NXPH1: variants seen among roughly 807,000 people sequenced by gnomAD.
NXPH1 encodes neurexophilin-1.
In NXPH1, 5 loss-of-function variants were observed where a neutral mutation model predicts 23.7. That is an observed-to-expected ratio of 0.21 (90% CI 0.11 to 0.44). NXPH1 has a LOEUF of 0.44. Ranked by LOEUF, NXPH1 falls within the 20% of genes least tolerant of loss-of-function variation. NXPH1 has a pLI of 0.99. For synonymous variants in NXPH1, 144 were observed against 122.2 expected, an observed-to-expected ratio of 1.18 and a Z score of -1.18; for missense variants, 324 against 321.6, an observed-to-expected ratio of 1.01 and a Z score of -0.06.
At chr7:8,445,942 G>A (rs1209163787) in intron 2 of NXPH1, among the ~76,000 whole-genome samples, 2 of 152,116 alleles carry the variant, frequency 1.3e-5, no homozygotes, top group East Asian at 1.9e-4. Flanking sequence ...TTAGTCATGC[G>A]CACTCCAACC....
intron 2 of NXPH1, among the ~76,000 whole-genome samples, chr7:8,590,246 A>C (rs1819064210): frequency 6.6e-6 from 1 of 152,120 alleles, no homozygotes; most frequent in South Asian, 2.1e-4. Context: ...CTCTGCATCC[A>C]GAGTTCTCTA....
chr7:8,523,889 C>T (rs1010934417), intron 2 of NXPH1, among the ~76,000 whole-genome samples: 1 of 152,068 alleles, frequency 6.6e-6, no homozygotes, highest in Non-Finnish European at 1.5e-5. Context: ...CCTGCATGCC[C>T]CTATCCAGAA....
At chr7:8,573,943 A>G (rs558330627) in intron 2 of NXPH1, among the ~76,000 whole-genome samples, 2 of 152,092 alleles carry the variant, frequency 1.3e-5, no homozygotes, top group African/African-American at 4.8e-5. Context: ...TGCTAGGTCA[A>G]TTCTATGTCA....
rs1356292078 is a variant in NXPH1, at chr7:8,751,249, A to G, written c.296A>G (p.Glu99Gly). 1.9e-6 allele frequency: 3 copies of G among 1,613,902 alleles called. No homozygotes were observed. Among genetic ancestry groups the G allele is most frequent in the South Asian group, 2.2e-5 (2 of 91,088 alleles). Residue 99 changes from glutamate to glycine, a missense_variant, in exon 3 of 3, where the codon GAG (glutamate) becomes GGG (glycine). Transcript: ENST00000405863. This position sits in a 1 kb window ranked among gnomAD's most constrained non-coding sequence, Gnocchi z 4.5. ...CTGAGGAACTCCACAGACCTTCAAG[A>G]GCCTCGGCCCAGGGCCAAGAGAAGG... ...DWLRNSTDLQ[E>G]PRPRAKRRPI...
intron 2 of NXPH1, among the ~76,000 whole-genome samples, chr7:8,571,172 G>A (rs1818639985): frequency 6.6e-6 from 1 of 151,776 alleles, no homozygotes; most frequent in Non-Finnish European, 1.5e-5. Flanking sequence ...GTGAGCTATA[G>A]CATGTTGAAA....
chr7:8,573,759 T>A (rs1279813422), intron 2 of NXPH1, among the ~76,000 whole-genome samples: 1 of 152,142 alleles, frequency 6.6e-6, no homozygotes, highest in Non-Finnish European at 1.5e-5. Context: ...AACTTTTGGA[T>A]CATGACCAAA....
chr7:8,455,879 C>A (rs539310515), intron 2 of NXPH1, among the ~76,000 whole-genome samples: 1 of 152,284 alleles, frequency 6.6e-6, no homozygotes, highest in African/African-American at 2.4e-5. Flanking sequence ...GCAGGGTTTT[C>A]TTCCCATGTG....
At chr7:8,551,678 T>G (rs1042389060) in intron 2 of NXPH1, among the ~76,000 whole-genome samples, 1 of 151,518 alleles carries the variant, frequency 6.6e-6, no homozygotes, top group Non-Finnish European at 1.5e-5. Context: ...TCTTTTAAAA[T>G]AAGATTTAGG....
intron 2 of NXPH1, among the ~76,000 whole-genome samples, chr7:8,731,531 C>G (rs1283896989): frequency 3.3e-5 from 5 of 152,108 alleles, no homozygotes; most frequent in Admixed American, 2.0e-4. Context: ...TGTGGATGTC[C>G]TTTCTGTTTG....
chr7:8,521,632 G>A (rs962947543), intron 2 of NXPH1, among the ~76,000 whole-genome samples: 1 of 152,186 alleles, frequency 6.6e-6, no homozygotes, highest in Admixed American at 6.5e-5. Context: ...TTATGTGAGT[G>A]AGAAATACAC....
chr7:8,751,360 T>G lies in NXPH1; in HGVS notation c.407T>G (p.Leu136Trp). The G allele has an allele frequency of 6.2e-7, 1 of 1,613,928 alleles. No individual in the cohort carries two copies. The highest frequency in any genetic ancestry group is 8.5e-7 in the Non-Finnish European group (1 of 1,179,856). The part of the protein sequence containing the change: ...SNIKTVKLNL[L>W]ITGKIVDHGN... ...ATCAAAACAGTGAAGCTGAACCTGT[T>G]GATAACTGGGAAAATTGTAGATCAT... The change falls in exon 3 of 3, where the codon TTG (leucine) becomes TGG (tryptophan). Residue 136 changes from leucine (L) to tryptophan (W), a missense_variant. Coordinates refer to ENST00000405863, the MANE Select transcript of NXPH1 (RefSeq NM_152745.3). The surrounding 1 kb of genome is among the most constrained non-coding windows in gnomAD (Gnocchi z 4.5).
intron 2 of NXPH1, among the ~76,000 whole-genome samples, chr7:8,665,996 A>G (rs1820757955): frequency 7.4e-6 from 1 of 135,450 alleles, no homozygotes; most frequent in Admixed American, 8.3e-5. Flanking sequence ...GGGACAATTT[A>G]GCATTTAATT....
chr7:8,501,832 T>A (rs1163819433), intron 2 of NXPH1, among the ~76,000 whole-genome samples: 3 of 152,050 alleles, frequency 2.0e-5, no homozygotes, highest in African/African-American at 7.2e-5. Flanking sequence ...AGACTAACAG[T>A]CTTACCCAAG....
chr7:8,684,555 T>G (rs1251640573), intron 2 of NXPH1, among the ~76,000 whole-genome samples: 1 of 152,216 alleles, frequency 6.6e-6, no homozygotes, highest in Non-Finnish European at 1.5e-5. Context: ...CTAACGATCC[T>G]GGATGTTCAG....
At chr7:8,511,183 A>T (rs1359229119) in intron 2 of NXPH1, among the ~76,000 whole-genome samples, 1 of 152,104 alleles carries the variant, frequency 6.6e-6, no homozygotes, top group African/African-American at 2.4e-5. Context: ...AATTATTCTA[A>T]CCCTTAGTGA....
At chr7:8,642,371 CTT>C (rs757887653) in intron 2 of NXPH1, among the ~76,000 whole-genome samples, 2 of 152,162 alleles carry the variant, frequency 1.3e-5, no homozygotes, top group Non-Finnish European at 2.9e-5. Flanking sequence ...TAGGTGGCCT[CTT>C]TTGTTCTCTC....
At chr7:8,705,796 C>T (rs1043843402) in intron 2 of NXPH1, among the ~76,000 whole-genome samples, 1 of 152,108 alleles carries the variant, frequency 6.6e-6, no homozygotes, top group African/African-American at 2.4e-5. Flanking sequence ...AAAGTCTTAC[C>T]TCAGGGCTAT....
intron 2 of NXPH1, among the ~76,000 whole-genome samples, chr7:8,456,361 T>C (rs1446570910): frequency 2.6e-5 from 4 of 152,218 alleles, no homozygotes; most frequent in Non-Finnish European, 1.5e-5. Flanking sequence ...TCATCACTAT[T>C]TCTTGATTCT....
intron 2 of NXPH1, among the ~76,000 whole-genome samples, chr7:8,593,754 G>T (rs913638341): frequency 1.3e-5 from 2 of 151,962 alleles, no homozygotes; most frequent in African/African-American, 4.8e-5. Context: ...CAAAACTGTC[G>T]TTAACATGTA....
Sources: allele counts gnomAD v4.1 joint callset (sites outside exome capture counted in the v4.1 genomes callset), GRCh38; gene constraint gnomAD v4.1.1; non-coding constraint Gnocchi (gnomAD v3.1); transcripts MANE v1.5; gene names NCBI Gene and HGNC (gene_info 2026-07-23, HGNC 2026-07-21).